SPEN: variants seen among roughly 807,000 people sequenced by gnomAD.
SPEN encodes the protein spen family transcriptional repressor, also known as msx2-interacting protein.
In SPEN, 18 loss-of-function variants were observed where a neutral mutation model predicts 269.9. The ratio of observed to expected loss-of-function variants is 0.07; its 90% CI spans 0.05 to 0.10. The LOEUF (loss-of-function observed/expected upper bound fraction) is 0.10. Ranked by LOEUF, SPEN falls within the 10% of genes least tolerant of loss-of-function variation. SPEN has a pLI of 1.00. For missense variants in SPEN, 3,822 were observed against 4,631.2 expected (o/e 0.83, Z 5.07); for synonymous variants, 1,726 against 1,765.7 (o/e 0.98, Z 0.56).
chr1:15,918,866 G>A (rs1311112242), intron 6 of SPEN, 60 bp from the exon 7 acceptor site: 2 of 1,423,270 alleles, frequency 1.4e-6, no homozygotes, highest in South Asian at 1.2e-5. Context: ...ATATGGACTT[G>A]GTTCATTCTA....
intron 3 of SPEN, among the ~76,000 whole-genome samples, chr1:15,880,202 T>C (rs1281721186): frequency 6.6e-6 from 1 of 152,184 alleles, no homozygotes; most frequent in Non-Finnish European, 1.5e-5. Context: ...AGATTCTTGC[T>C]CTGTTACCAC....
chr1:15,901,057 A>T (rs1336843993), intron 3 of SPEN, among the ~76,000 whole-genome samples: 1 of 152,058 alleles, frequency 6.6e-6, no homozygotes, highest in Admixed American at 6.6e-5. Flanking sequence ...GTAAAAAAAA[A>T]ATAGAGGCTT....
intron 3 of SPEN, among the ~76,000 whole-genome samples, chr1:15,886,722 A>G (rs1570006365): frequency 6.6e-6 from 1 of 152,200 alleles, no homozygotes; most frequent in Non-Finnish European, 1.5e-5. Context: ...CTGCACTGCC[A>G]GTGCTTGGCC....
At chr1:15,870,929 GA>G (rs774498612) in intron 1 of SPEN, among the ~76,000 whole-genome samples, 9 of 152,208 alleles carry the variant, frequency 5.9e-5, no homozygotes, top group Non-Finnish European at 1.2e-4. Flanking sequence ...TAAATGTCAT[GA>G]GGCTAGGGAT....
intron 6 of SPEN, among the ~76,000 whole-genome samples, chr1:15,917,107 G>T (rs1286599686): frequency 6.6e-6 from 1 of 152,156 alleles, no homozygotes. Context: ...CAGCGTGGGT[G>T]ACAGAGTGAG....
In SPEN at chr1:15,858,789, C is replaced by CA. The variant is rs529101788; in HGVS notation, c.83+10647dup. On this transcript the variant is annotated intron_variant, in intron 1 of 14. Transcript: ENST00000375759. ...GGCTGTAAAAACAAAAACAAACAAA[C>CA]AAAAAAAACCCGGGCACGATGGCGC... Among the ~76,000 whole-genome samples the CA allele has an allele frequency of 2.8e-3, 417 of 151,614 alleles. 2 individuals are homozygous for CA. The highest frequency in any genetic ancestry group is 3.9e-3 in the Non-Finnish European group (266 of 67,902).
At chr1:15,938,936 G>T in intron 14 of SPEN, 60 bp downstream of exon 14, 1 of 1,568,934 alleles carries the variant, frequency 6.4e-7, no homozygotes. Context: ...GATCAGGGTA[G>T]GTGGGCCTAC....
At chr1:15,887,807 A>C (rs575242694) in intron 3 of SPEN, among the ~76,000 whole-genome samples, 23 of 150,792 alleles carry the variant, frequency 1.5e-4, no homozygotes, top group African/African-American at 5.6e-4. Context: ...GGATCACTTG[A>C]GGTCAGGAGT....
intron 1 of SPEN, among the ~76,000 whole-genome samples, chr1:15,853,978 T>G (rs899145508): frequency 1.3e-5 from 2 of 152,088 alleles, no homozygotes; most frequent in Non-Finnish European, 2.9e-5. Flanking sequence ...TTTTTGTATT[T>G]TTATTAGAGT....
At chr1:15,907,683 G>A (rs1453786061) in intron 3 of SPEN, among the ~76,000 whole-genome samples, 1 of 152,008 alleles carries the variant, frequency 6.6e-6, no homozygotes, top group Admixed American at 6.6e-5. Context: ...TCTATAACAT[G>A]GGGGAGAATA....
chr1:15,874,430 C>T (rs2070611658), intron 2 of SPEN: 2 of 1,305,578 alleles, frequency 1.5e-6, no homozygotes, highest in Non-Finnish European at 2.0e-6. Flanking sequence ...ATTAGCCCCT[C>T]TCCTAACCCA....
intron 3 of SPEN, among the ~76,000 whole-genome samples, chr1:15,878,473 C>T: frequency 6.6e-6 from 1 of 152,162 alleles, no homozygotes; most frequent in East Asian, 1.9e-4. Context: ...ACGTTCTATG[C>T]CCAGCTTTCA....
chr1:15,860,442 A>AGTGT (rs71574142), intron 1 of SPEN, among the ~76,000 whole-genome samples: 17,225 of 119,928 alleles, frequency 0.14, 2,040 homozygotes, highest in African/African-American at 0.33. Context: ...GTCCCACTGT[A>AGTGT]GTGTGTGTGT....
At chr1:15,903,226 C>T (rs890083970) in intron 3 of SPEN, among the ~76,000 whole-genome samples, 7 of 152,150 alleles carry the variant, frequency 4.6e-5, no homozygotes, top group Admixed American at 2.6e-4. Context: ...TCCTAGCATC[C>T]TATATTCTGT....
At chr1:15,863,143 G>T (rs2070464248) in intron 1 of SPEN, among the ~76,000 whole-genome samples, 1 of 152,146 alleles carries the variant, frequency 6.6e-6, no homozygotes, top group South Asian at 2.1e-4. Context: ...CAGCTACTTG[G>T]AAGGCTTAGG....
chr1:15,912,188 G>C (rs551458490), intron 5 of SPEN, among the ~76,000 whole-genome samples: 1 of 152,276 alleles, frequency 6.6e-6, no homozygotes, highest in South Asian at 2.1e-4. Context: ...TTATAAGGCA[G>C]GAAATCTTCT....
chr1:15,902,985 C>G (rs989683240), intron 3 of SPEN, among the ~76,000 whole-genome samples: 1 of 152,074 alleles, frequency 6.6e-6, no homozygotes, highest in Admixed American at 6.5e-5. Flanking sequence ...AGTATAGATG[C>G]ATATTTGCCG....
chr1:15,875,371 T>A (rs1419392110), intron 2 of SPEN, among the ~76,000 whole-genome samples: 1 of 152,156 alleles, frequency 6.6e-6, no homozygotes, highest in Non-Finnish European at 1.5e-5. Context: ...TGAGTATAGC[T>A]AAAAGCCAAA....
chr1:15,924,935 T>C (rs1451103628), intron 10 of SPEN, among the ~76,000 whole-genome samples: 4 of 152,234 alleles, frequency 2.6e-5, no homozygotes, highest in Non-Finnish European at 5.9e-5. Context: ...GCAGTGCTTA[T>C]GGAATGCATT....
Sources: gnomAD v4.1 joint callset for allele counts (sites outside exome capture counted in the v4.1 genomes callset) on GRCh38, gnomAD v4.1.1 for gene constraint, MANE v1.5 for transcripts, NCBI Gene and HGNC (gene_info 2026-07-23, HGNC 2026-07-21) for gene names.